Variants in GLIS3 observed in about 807,000 individuals in gnomAD.
The protein encoded by GLIS3 is GLIS family zinc finger 3.
Under a neutral mutation model 78.6 loss-of-function variants are expected in GLIS3, and 53 were observed. The ratio of observed to expected loss-of-function variants is 0.67; its 90% confidence interval spans 0.54 to 0.85. The LOEUF is 0.85. GLIS3 is among the 40% of genes least tolerant of loss of function. GLIS3 has a pLI of 0.00. For synonymous variants in GLIS3, 684 were observed against 509.9 expected, an observed-to-expected ratio of 1.34 and a Z score of -4.60; for missense variants, 1,703 against 1,231.1, an observed-to-expected ratio of 1.38 and a Z score of -5.74.
chr9:3,831,438 T>A (rs1369823993), intron 9 of GLIS3, among the ~76,000 whole-genome samples: 1 of 152,170 alleles, frequency 6.6e-6, no homozygotes, highest in Non-Finnish European at 1.5e-5. Context: ...ATTCTACCTA[T>A]CACATTGGCA....
In GLIS3 at chr9:4,062,884, A is replaced by T. The variant is rs999719867; in HGVS notation, c.1710+54884T>A. Among the ~76,000 whole-genome samples the T allele has an allele frequency of 3.3e-5, 5 of 152,136 alleles. No individual in the cohort carries two copies. The East Asian group carries it at 9.7e-4, about 29-fold the overall frequency. ...GCGGAGCTTGCAGTGAGCTGAGATCATGCCACTACACTTCAGCCTGGGTGA... is the reference window on the plus strand; with the variant it reads ...GCGGAGCTTGCAGTGAGCTGAGATCTTGCCACTACACTTCAGCCTGGGTGA... On this transcript the variant is annotated intron_variant, in intron 4 of 10. Coordinates refer to ENST00000381971, the MANE Select transcript of GLIS3 (RefSeq NM_001042413.2).
intron 4 of GLIS3, among the ~76,000 whole-genome samples, chr9:3,972,343 C>A (rs1208226821): frequency 6.6e-6 from 1 of 152,150 alleles, no homozygotes; most frequent in East Asian, 1.9e-4. Flanking sequence ...TCATTCTATA[C>A]TCTGATTATT....
intron 4 of GLIS3, among the ~76,000 whole-genome samples, chr9:4,009,715 C>G (rs973170564): frequency 6.6e-6 from 1 of 152,194 alleles, no homozygotes; most frequent in Non-Finnish European, 1.5e-5. Context: ...ATGTCAGGCA[C>G]CACCAGAGCG....
At chr9:4,278,649 G>C (rs1827240303) in intron 2 of GLIS3, among the ~76,000 whole-genome samples, 1 of 152,198 alleles carries the variant, frequency 6.6e-6, no homozygotes, top group Non-Finnish European at 1.5e-5. Flanking sequence ...AAAAGAATCA[G>C]AAAATCACCA....
chr9:4,244,377 G>C (rs1823601996), intron 2 of GLIS3, among the ~76,000 whole-genome samples: 1 of 152,142 alleles, frequency 6.6e-6, no homozygotes, highest in Non-Finnish European at 1.5e-5. Flanking sequence ...ACCTGTTAAT[G>C]TCAGACATGC....
At chr9:4,262,604 T>A (rs1329605843) in intron 2 of GLIS3, among the ~76,000 whole-genome samples, 1 of 152,156 alleles carries the variant, frequency 6.6e-6, no homozygotes, top group Non-Finnish European at 1.5e-5. Flanking sequence ...AGTAACTATT[T>A]GAAAAGAAAA....
chr9:4,467,840 C>T, the GLIS3 span, among the ~76,000 whole-genome samples: 3 of 152,020 alleles, frequency 2.0e-5, no homozygotes, highest in East Asian at 1.9e-4. Flanking sequence ...CAAACTTCTC[C>T]GAGCTAAAGG....
chr9:3,837,768 G>T (rs574226903), intron 9 of GLIS3, among the ~76,000 whole-genome samples: 23 of 152,188 alleles, frequency 1.5e-4, no homozygotes, highest in Non-Finnish European at 2.9e-4. Context: ...CCACAGGTTG[G>T]GGGGAGGGAA....
chr9:3,953,791 C>CAT (rs1816877456), intron 4 of GLIS3, among the ~76,000 whole-genome samples: 3 of 48,002 alleles, frequency 6.2e-5, no homozygotes, highest in African/African-American at 2.2e-4. Flanking sequence ...CTCTCTCTCT[C>CAT]TCTCTATATA....
intron 6 of GLIS3, among the ~76,000 whole-genome samples, chr9:3,920,609 GT>G (rs34014322): frequency 2.1e-3 from 262 of 127,786 alleles, no homozygotes; most frequent in Middle Eastern, 7.9e-3. Context: ...AAAAGAACAG[GT>G]TTTTTTTTTT....
the GLIS3 span, among the ~76,000 whole-genome samples, chr9:4,479,992 T>C: frequency 5.6e-4 from 82 of 145,902 alleles, no homozygotes; most frequent in African/African-American, 1.8e-3. Context: ...CGACCTCAGG[T>C]GATCCGCCCA....
chr9:4,200,882 G>A (rs1232045981), intron 2 of GLIS3, among the ~76,000 whole-genome samples: 1 of 151,954 alleles, frequency 6.6e-6, no homozygotes, highest in Non-Finnish European at 1.5e-5. Context: ...AAAACACACT[G>A]AAAAAAGAAA....
intron 2 of GLIS3, among the ~76,000 whole-genome samples, chr9:4,185,146 TCCGTC>T (rs1563716836): frequency 1.3e-5 from 2 of 152,224 alleles, no homozygotes; most frequent in Non-Finnish European, 2.9e-5. Context: ...TTGTCAACTT[TCCGTC>T]CCTATCAATT....
intron 4 of GLIS3, among the ~76,000 whole-genome samples, chr9:4,088,876 G>A (rs1053376371): frequency 6.6e-6 from 1 of 152,202 alleles, no homozygotes; most frequent in African/African-American, 2.4e-5. Context: ...AATCCTACAT[G>A]GCAGGATGCC....
chr9:4,314,851 T>C (rs1400785462), intron 2 of GLIS3, among the ~76,000 whole-genome samples: 1 of 152,204 alleles, frequency 6.6e-6, no homozygotes, highest in Non-Finnish European at 1.5e-5. Context: ...GCAAAAGGCA[T>C]TAAGCTCAGG....
At chr9:4,363,022 A>G in the GLIS3 span, among the ~76,000 whole-genome samples, 5 of 152,160 alleles carry the variant, frequency 3.3e-5, no homozygotes, top group African/African-American at 7.2e-5. Flanking sequence ...AGAAGTGAAC[A>G]CTGGTCCATT....
At chr9:3,936,298 C>G (rs975383196) in intron 5 of GLIS3, among the ~76,000 whole-genome samples, 1 of 152,002 alleles carries the variant, frequency 6.6e-6, no homozygotes, top group Non-Finnish European at 1.5e-5. Flanking sequence ...GGAGGGCTAT[C>G]AACATAATTG....
Position 4,276,563 on chromosome 9 carries a change from G to GAA in GLIS3, c.388+9474_388+9475insTT, listed in dbSNP as rs1370511488. 3.1e-4 allele frequency among the ~76,000 whole-genome samples: 44 copies of GAA among 141,028 alleles called. 2 individuals carry two copies. The highest frequency in any genetic ancestry group is 1.0e-3 in the African/African-American group (38 of 37,914). The allele number at this position is 141,028 out of a possible 152,430, so 92.5% of individuals were successfully genotyped here. A position where few individuals can be genotyped will look rare whatever the true frequency, so the allele number is the denominator to read the frequency against. On this transcript the variant is annotated intron_variant, in intron 2 of 10. Transcript: ENST00000381971. Reference sequence around the variant, plus strand: ...GGACGGAAGGGGAGGGGAGGGGAGGGGAGGGAAGAGAAGAAAGAAAATGCT... The same window carrying GAA: ...GGACGGAAGGGGAGGGGAGGGGAGGGAAGAGGGAAGAGAAGAAAGAAAATGCT...
chr9:3,843,069 G>A (rs1440470778), intron 9 of GLIS3, among the ~76,000 whole-genome samples: 1 of 152,166 alleles, frequency 6.6e-6, no homozygotes, highest in African/African-American at 2.4e-5. Flanking sequence ...TCTTGGTCAA[G>A]GTGAAATCAT....
Sources: allele counts gnomAD v4.1 joint callset (sites outside exome capture counted in the v4.1 genomes callset), GRCh38; gene constraint gnomAD v4.1.1; transcripts MANE v1.5; gene names NCBI Gene and HGNC (gene_info 2026-07-23, HGNC 2026-07-21).